The following SIGLEC11 variants were observed in gnomAD, a reference collection of about 807,000 sequenced individuals.
SIGLEC11 encodes sialic acid binding Ig like lectin 11.
A neutral mutation model predicts 61.2 loss-of-function variants in SIGLEC11; 47 were observed. The ratio of observed to expected loss-of-function variants is 0.77; its 90% CI spans 0.61 to 0.98. SIGLEC11 has a LOEUF of 0.98. Among genes scored for constraint, SIGLEC11 ranks in the 50% least tolerant of loss-of-function variants. SIGLEC11 has a pLI of 0.00. For missense variants in SIGLEC11, 610 were observed against 870.3 expected (o/e 0.70, Z 3.76); for synonymous variants, 278 against 373.1 (o/e 0.75, Z 2.94).
At position 49,958,384 on chromosome 19, in the gene SIGLEC11, G is replaced by T; in HGVS notation, c.1550C>A (p.Ser517Tyr). ...PSSAGPWANS[S>Y]LSLHGGLSSG... ...GCTGAGCCCTCCATGGAGGCTCAGG[G>T]AGCTGTTGGCCCAGGGCCCGGCTGA... is the stretch of plus-strand genomic sequence containing the variant. Residue 517 changes from serine to tyrosine, a missense_variant, in exon 8 of 11, where the codon TCC (serine) becomes TAC (tyrosine). Transcript: ENST00000447370. 1 of 1,614,176 alleles carries T rather than the reference G, an allele frequency of 6.2e-7. No individual in the cohort carries two copies. The highest frequency in any genetic ancestry group is 2.2e-5 in the East Asian group (1 of 44,882).
Position 49,951,772 on chromosome 19 carries a change from C to T in SIGLEC11, c.1830+119G>A, listed in dbSNP as rs1416679511. The T allele has an allele frequency of 4.7e-6, 4 of 847,414 alleles. No individual in the cohort carries two copies. In the Admixed American group the frequency reaches 1.3e-4, roughly 27 times the overall value. 52.5% of individuals were successfully genotyped at this position (847,414 alleles called of 1,614,324 possible). ...GGACTTGGGACTGCATTGATGGGGA[C>T]CCAGGAGCAAAACCCTATTTGGGGC... On this transcript the variant is annotated intron_variant, in intron 10 of 10. Coordinates refer to ENST00000447370, the MANE Select transcript of SIGLEC11 (RefSeq NM_052884.3). The surrounding 1 kb of genome is among the most constrained non-coding windows in gnomAD (Gnocchi z 4.6).
rs2076156922 is a variant in SIGLEC11, at chr19:49,951,361, G to A, written c.1830+530C>T. 6.6e-6 allele frequency among the ~76,000 whole-genome samples: 1 copy of A among 152,148 alleles called. No individual in the cohort carries two copies. The highest frequency in any genetic ancestry group is 1.5e-5 in the Non-Finnish European group (1 of 68,028). On this transcript the variant is annotated intron_variant, in intron 10 of 10. Transcript: ENST00000447370. This position sits in a 1 kb window ranked among gnomAD's most constrained non-coding sequence, Gnocchi z 4.6. Reference sequence around the variant, plus strand: ...GGACCTGCCCTGAGCACCTCTTCCTGTCCATGATTTTCATCTGTATCGGTC... The same window carrying A: ...GGACCTGCCCTGAGCACCTCTTCCTATCCATGATTTTCATCTGTATCGGTC...
In SIGLEC11 at chr19:49,959,170, G is replaced by A. The variant is rs2076222977; in HGVS notation, c.1058-93C>T. On this transcript the variant is annotated intron_variant, in intron 5 of 10. Coordinates refer to ENST00000447370, the MANE Select transcript of SIGLEC11 (RefSeq NM_052884.3). ...CTGGACACTGAGGTGGGGGAAGTGG[G>A]TGGGATAGAAGGGCAGGGCAGAATC... The A allele has an allele frequency of 4.8e-5, 77 of 1,589,538 alleles. No individual in the cohort carries two copies. The South Asian group carries it at 8.4e-4, about 17-fold the overall frequency.
intron 8 of SIGLEC11, among the ~76,000 whole-genome samples, chr19:49,956,114 A>C (rs2076194221): frequency 6.6e-6 from 1 of 152,138 alleles, no homozygotes; most frequent in Non-Finnish European, 1.5e-5. Flanking sequence ...ACGGAAGACC[A>C]ATGGCCTTGG....
rs183032469 is a variant in SIGLEC11 at position 49,952,411 on chromosome 19, T to C, written c.1652-17A>G. The C allele has an allele frequency of 1.3e-6, 2 of 1,594,740 alleles. No homozygotes were observed. The highest frequency in any genetic ancestry group is 8.5e-7 in the Non-Finnish European group (1 of 1,173,884). On this transcript the variant is annotated splice_polypyrimidine_tract_variant and intron_variant, in intron 8 of 10. Transcript: ENST00000447370. ...CCAGCTTCCCTGCATGGGAGCAGGG[T>C]TTGGGGTGGTGCCCTCCTGGCCCTG...
At position 49,958,843 on chromosome 19, in the gene SIGLEC11, C is replaced by T. The variant is rs199604054; in HGVS notation, c.1163G>A (p.Arg388His). The T allele has an allele frequency of 1.5e-4, 236 of 1,610,442 alleles. No homozygotes were observed. The East Asian group carries it at 2.9e-3, about 20-fold the overall frequency. The change falls in exon 7 of 11, where the codon CGC (arginine) becomes CAC (histidine). Residue 388 changes from arginine (R) to histidine (H), a missense_variant. Physicochemically the swap from Arg to His is conservative, Grantham distance 29 (BLOSUM62 0). This residue lies in a region of SIGLEC11 where 432 missense variants were observed against 441.5 expected (regional missense o/e 0.98). Transcript: ENST00000447370. ...SLPVLEGQSL[R>H]LVCVTHSSPP... ...GCTGCTGTGGGTGACACAGACCAGG[C>T]GCAGGCTTTGGCCCTCCAGGACCGG...
chr19:49,953,257 AGT>A (rs2076171816), intron 8 of SIGLEC11, among the ~76,000 whole-genome samples: 1 of 152,188 alleles, frequency 6.6e-6, no homozygotes, highest in Non-Finnish European at 1.5e-5. Context: ...TTTCAGAAAC[AGT>A]GTACGTCAGG....
In SIGLEC11 at chr19:49,954,913, A is replaced by G. The variant is rs527656946; in HGVS notation, c.1652-2519T>C. On this transcript the variant is annotated intron_variant, in intron 8 of 10. Coordinates refer to ENST00000447370, the MANE Select transcript of SIGLEC11 (RefSeq NM_052884.3). The stretch of plus-strand genomic sequence containing the variant: ...ACCAAGAGACACTTCTGCAAGGGAT[A>G]AAAGCTGGTGGAAAGAAAGCAATTA... Among the ~76,000 whole-genome samples the G allele has an allele frequency of 2.3e-4, 35 of 152,316 alleles. 1 individual carries two copies. The highest frequency in any genetic ancestry group is 8.4e-4 in the African/African-American group (35 of 41,582).
In SIGLEC11 at chr19:49,958,736, G is replaced by A. The variant is rs775980546; in HGVS notation, c.1270C>T (p.Pro424Ser). 1.2e-6 allele frequency: 2 copies of A among 1,613,876 alleles called. No individual in the cohort carries two copies. The highest frequency in any genetic ancestry group is 1.7e-5 in the Admixed American group (1 of 59,984). ...QPSDPGVLEL[P>S]PIQMEHEGEF... The stretch of plus-strand genomic sequence containing the variant: ...CCTTCGTGCTCCATTTGAATGGGTG[G>A]CAGCTCCAGGACCCCGGGGTCTGAG... The change falls in exon 7 of 11, where the codon CCA (proline) becomes TCA (serine). Residue 424 changes from proline (P) to serine (S), a missense_variant. By Grantham distance (74) the Pro-to-Ser change is moderately conservative (BLOSUM62 -1). Around this residue, in one of 6 missense-constraint regions of SIGLEC11, gnomAD observed 432 missense variants for 441.5 expected, o/e 0.98. Coordinates refer to ENST00000447370, the MANE Select transcript of SIGLEC11 (RefSeq NM_052884.3).
rs1436487072 is a variant in SIGLEC11 at position 49,955,149 on chromosome 19, GACC to G, written c.1652-2758_1652-2756del. 6.6e-6 allele frequency among the ~76,000 whole-genome samples: 1 copy of G among 151,934 alleles called. No homozygotes were observed. Among genetic ancestry groups the G allele is most frequent in the Non-Finnish European group, 1.5e-5 (1 of 67,992 alleles). The stretch of plus-strand genomic sequence containing the variant: ...TGAATGCCACCCAGCTTATAAAAGT[GACC>G]ACCAAGATGTACATGAACCATGACC... On this transcript the variant is annotated intron_variant, in intron 8 of 10. Transcript: ENST00000447370. This position sits in a 1 kb window ranked among gnomAD's most constrained non-coding sequence, Gnocchi z 4.5.
Position 49,960,360 on chromosome 19 carries a change from C to G in SIGLEC11, c.522G>C (p.Thr174=), listed in dbSNP as rs780708695. The G allele has an allele frequency of 7.5e-6, 12 of 1,599,472 alleles. No homozygotes were observed. The East Asian group carries it at 2.5e-4, about 33-fold the overall frequency. The change falls in exon 3 of 11, where the codon ACG becomes ACC. Residue 174 remains threonine (T), a synonymous_variant. Transcript: ENST00000447370. ...AAGCCCAGTTAAACACACAGATGAC[C>G]GTCACCGGCTGCCCGGGCTCCAGGG... ...PETLEPGQPV[T]VICVFNWAFK...
intron 8 of SIGLEC11, among the ~76,000 whole-genome samples, chr19:49,957,174 G>A (rs778428910): frequency 6.6e-6 from 1 of 152,128 alleles, no homozygotes; most frequent in Non-Finnish European, 1.5e-5. Context: ...GGCAATAGCA[G>A]CTAGGCAAAC....
At chr19:49,959,009 C>T (rs1370177600) in intron 6 of SIGLEC11, 21 bp downstream of exon 6, 2 of 1,613,754 alleles carry the variant, frequency 1.2e-6, no homozygotes, top group Admixed American at 1.7e-5. Flanking sequence ...GAGGCCCTGG[C>T]TCCTCTGTCT....
chr19:49,954,026 T>C (rs556638836), intron 8 of SIGLEC11, among the ~76,000 whole-genome samples: 47 of 152,254 alleles, frequency 3.1e-4, no homozygotes, highest in Non-Finnish European at 5.4e-4. Context: ...AAGATGGTGA[T>C]AGGGGTCTGA....
In SIGLEC11 at chr19:49,951,047, G is replaced by A. The variant is rs567678765; in HGVS notation, c.1831-811C>T. 1.8e-4 allele frequency among the ~76,000 whole-genome samples: 28 copies of A among 152,318 alleles called. No individual in the cohort carries two copies. Among genetic ancestry groups the A allele is most frequent in the African/African-American group, 6.5e-4 (27 of 41,574 alleles). On this transcript the variant is annotated intron_variant, in intron 10 of 10. Transcript: ENST00000447370. This position sits in a 1 kb window ranked among gnomAD's most constrained non-coding sequence, Gnocchi z 4.6. ...GGTAGGAGCATCCCTGTTGACCTGG[G>A]ACCACAAGCCAGGCCACATAGTTTA...
chr19:49,958,968 C>T, intron 6 of SIGLEC11, 62 bp downstream of exon 6: 4 of 1,613,296 alleles, frequency 2.5e-6, no homozygotes, highest in East Asian at 2.2e-5. Context: ...TGGGGACCCT[C>T]CAGACTCCTG....
At position 49,951,981 on chromosome 19, in the gene SIGLEC11, G is replaced by T. The variant is rs565532443; in HGVS notation, c.1749-9C>A. 1 of 1,605,702 alleles carries T rather than the reference G, an allele frequency of 6.2e-7. No homozygotes were observed. The highest frequency in any genetic ancestry group is 1.3e-5 in the African/African-American group (1 of 74,772). On this transcript the variant is annotated splice_polypyrimidine_tract_variant and intron_variant, in intron 9 of 10. Transcript: ENST00000447370. This position sits in a 1 kb window ranked among gnomAD's most constrained non-coding sequence, Gnocchi z 4.6. ...TCCTGCAGATCTTCACCCTGAGGGA[G>T]GAGGCAGTGCCCTTCAGCCTCCAGG...
At chr19:49,954,812 A>C (rs1295030640) in intron 8 of SIGLEC11, among the ~76,000 whole-genome samples, 1 of 152,072 alleles carries the variant, frequency 6.6e-6, no homozygotes, top group Non-Finnish European at 1.5e-5. Flanking sequence ...TCAGGCATAC[A>C]CTCAAGGTCA....
intron 10 of SIGLEC11, among the ~76,000 whole-genome samples, chr19:49,950,572 C>G (rs1022861242): frequency 6.6e-6 from 1 of 152,088 alleles, no homozygotes; most frequent in Non-Finnish European, 1.5e-5. Flanking sequence ...ACCCCAAACC[C>G]GCACATCTAA....
Sources: gnomAD v4.1 joint callset for allele counts (sites outside exome capture counted in the v4.1 genomes callset) on GRCh38, gnomAD v4.1.1 for gene constraint, gnomAD v4.1.1 regional missense constraint, Gnocchi (gnomAD v3.1) non-coding constraint, MANE v1.5 for transcripts, NCBI Gene and HGNC (gene_info 2026-07-23, HGNC 2026-07-21) for gene names.